Variants in ANAPC5 observed in about 807,000 individuals in gnomAD.
ANAPC5 encodes anaphase promoting complex subunit 5.
In ANAPC5, 60 loss-of-function variants were observed where a neutral mutation model predicts 91.3. That is an observed-to-expected ratio of 0.66 (90% CI 0.53 to 0.81). The LOEUF (loss-of-function observed/expected upper bound fraction) is 0.81. ANAPC5 is among the 40% of genes least tolerant of loss of function. The pLI is 0.00. For missense variants in ANAPC5, 690 were observed against 931.5 expected, an observed-to-expected ratio of 0.74 and a Z score of 3.37; for synonymous variants, 340 against 364.1, an observed-to-expected ratio of 0.93 and a Z score of 0.75.
intron 3 of ANAPC5, 200 bp downstream of exon 3, chr12:121,346,696 T>C (rs1903679549): frequency 7.2e-6 from 3 of 416,154 alleles, no homozygotes; most frequent in Non-Finnish European, 1.3e-5. Context: ...CTTACTATTG[T>C]AGACAAAACA....
At chr12:121,336,985 C>T (rs1187684199) in intron 6 of ANAPC5, among the ~76,000 whole-genome samples, 3 of 152,046 alleles carry the variant, frequency 2.0e-5, no homozygotes, top group African/African-American at 4.8e-5. Context: ...TTTGGGAGGC[C>T]GACGCGGGCA....
At chr12:121,317,064 G>T (rs566964984) in intron 15 of ANAPC5, among the ~76,000 whole-genome samples, 17 of 152,228 alleles carry the variant, frequency 1.1e-4, no homozygotes, top group African/African-American at 3.9e-4. Context: ...AAACCGGTGA[G>T]AGGTTACCAG....
chr12:121,333,046 T>G (rs1177106972), intron 7 of ANAPC5: 1 of 152,222 alleles, frequency 6.6e-6, no homozygotes, highest in Non-Finnish European at 1.5e-5. Context: ...CCGGGCGCAG[T>G]GGCTCACGCC....
At chr12:121,320,596 A>C in intron 11 of ANAPC5, 137 bp from the exon 12 acceptor site, 1 of 604,218 alleles carries the variant, frequency 1.7e-6, no homozygotes, top group Non-Finnish European at 2.8e-6. Context: ...AGAGACTCAA[A>C]TTTCTTTTCT....
At chr12:121,352,012 A>C in intron 1 of ANAPC5, 122 bp downstream of exon 1, 1 of 902,682 alleles carries the variant, frequency 1.1e-6, no homozygotes, top group East Asian at 2.8e-5. Flanking sequence ...TTATTTCTTC[A>C]CGTTCCTCCA....
intron 1 of ANAPC5, 124 bp from the exon 2 acceptor site, chr12:121,348,005 A>G (rs1160667273): frequency 1.6e-5 from 11 of 671,564 alleles, no homozygotes; most frequent in Non-Finnish European, 2.6e-5. Context: ...GCAAATAAGG[A>G]TTTTTCTATC....
chr12:121,340,079 C>T (rs1374778626), intron 5 of ANAPC5, among the ~76,000 whole-genome samples: 2 of 151,348 alleles, frequency 1.3e-5, no homozygotes, highest in African/African-American at 2.4e-5. Context: ...CACTTTGGGA[C>T]GCCGAGGTGG....
Position 121,320,413 on chromosome 12 carries a change from C to A in ANAPC5, c.1487G>T (p.Arg496Leu). The change falls in exon 12 of 17, where the codon CGA becomes CTA. Residue 496 changes from arginine (R) to leucine (L), a missense_variant. Transcript: ENST00000261819. ...GGCGTGCTGACTATTAGGCGGAAATCGTTCCTTCAAGTGCTTTAACACTTC... is the reference window on the plus strand; with the variant it reads ...GGCGTGCTGACTATTAGGCGGAAATAGTTCCTTCAAGTGCTTTAACACTTC... ...ASEVLKHLKE[R>L]FPPNSQHAQL... 2.5e-6 allele frequency: 4 copies of A among 1,613,688 alleles called. No homozygotes were observed. Among genetic ancestry groups the A allele is most frequent in the Non-Finnish European group, 3.4e-6 (4 of 1,179,700 alleles).
chr12:121,331,563 T>C, intron 7 of ANAPC5, 135 bp from the exon 8 acceptor site: 1 of 623,316 alleles, frequency 1.6e-6, no homozygotes. Flanking sequence ...TCTGGGCTTA[T>C]TCTCTCAGAG....
rs782075258 is a variant in ANAPC5, at chr12:121,352,182, G to A, written c.159C>T (p.Ser53=). The change falls in exon 1 of 17, where the codon AGC becomes AGT. Residue 53 remains serine (S), a synonymous_variant. Coordinates refer to ENST00000261819, the MANE Select transcript of ANAPC5 (RefSeq NM_016237.5). ...EMSRTGEGAV[S]LMERRRLNQL... ...GGTTGAGCCTCCGCCGCTCCATGAGGCTGACGGCGCCCTCGCCTGTGCGGC... is the reference window on the plus strand; with the variant it reads ...GGTTGAGCCTCCGCCGCTCCATGAGACTGACGGCGCCCTCGCCTGTGCGGC... 4.3e-6 allele frequency: 7 copies of A among 1,613,098 alleles called. No homozygotes were observed. The South Asian group carries it at 6.6e-5, about 15-fold the overall frequency.
At chr12:121,335,939 C>A (rs1555273424) in intron 6 of ANAPC5, among the ~76,000 whole-genome samples, 1 of 152,118 alleles carries the variant, frequency 6.6e-6, no homozygotes, top group Non-Finnish European at 1.5e-5. Context: ...ATGGGAGTTC[C>A]ATTAGTATTT....
chr12:121,344,122 A>G (rs1388631414), intron 4 of ANAPC5, among the ~76,000 whole-genome samples: 4 of 152,222 alleles, frequency 2.6e-5, no homozygotes, highest in Non-Finnish European at 5.9e-5. Flanking sequence ...AACACATTCT[A>G]TGAGTCAGGC....
At chr12:121,310,346 G>A (rs1044595855) in intron 15 of ANAPC5, 11 of 153,172 alleles carry the variant, frequency 7.2e-5, no homozygotes, top group African/African-American at 2.7e-4. Context: ...GATCACTTGA[G>A]GCCATGAGTT....
rs74786391 is a variant in ANAPC5 at position 121,310,070 on chromosome 12, G to A, written c.1894-207C>T. The stretch of plus-strand genomic sequence containing the variant: ...GACTATGACAAATATAGCAGGGGGC[G>A]GTTATTCACACTATGAAAAGGTTCT... On this transcript the variant is annotated intron_variant, in intron 15 of 16. Coordinates refer to ENST00000261819, the MANE Select transcript of ANAPC5 (RefSeq NM_016237.5). 2.2e-3 allele frequency: 890 copies of A among 397,074 alleles called. 7 individuals are homozygous for A. Among genetic ancestry groups the A allele is most frequent in the African/African-American group, 0.017 (804 of 48,722 alleles). 24.6% of individuals were successfully genotyped at this position (397,074 alleles called of 1,614,324 possible). A position where few individuals can be genotyped will look rare whatever the true frequency, so the allele number is the denominator to read the frequency against.
Position 121,351,046 on chromosome 12 carries a change from T to C in ANAPC5, c.207+1088A>G, listed in dbSNP as rs1282823249. 1.3e-5 allele frequency: 6 copies of C among 446,358 alleles called. No individual in the cohort carries two copies. The East Asian group carries it at 4.4e-4, about 33-fold the overall frequency. 27.6% of individuals were successfully genotyped at this position (446,358 alleles called of 1,614,324 possible). On this transcript the variant is annotated intron_variant, in intron 1 of 16. Coordinates refer to ENST00000261819, the MANE Select transcript of ANAPC5 (RefSeq NM_016237.5). ...ACCCAAATGAATTAAGGAACTTAAT[T>C]ATCTGAGCTAAACCTGTGTCTGCAA...
At chr12:121,327,324 G>A in intron 10 of ANAPC5, 93 bp from the exon 11 acceptor site, 2 of 1,470,394 alleles carry the variant, frequency 1.4e-6, no homozygotes, top group Non-Finnish European at 1.8e-6. Context: ...GAGGCGTAAA[G>A]TCATACACCT....
intron 13 of ANAPC5, 102 bp from the exon 14 acceptor site, chr12:121,318,710 CTG>C (rs1205879514): frequency 1.4e-5 from 15 of 1,075,542 alleles, no homozygotes; most frequent in Non-Finnish European, 2.1e-5. Context: ...AGGGAAAAAA[CTG>C]TGCCTGATTT....
chr12:121,328,792 C>G, intron 9 of ANAPC5: 1 of 271,884 alleles, frequency 3.7e-6, no homozygotes, highest in East Asian at 7.5e-5. Context: ...TAGGGCCAGT[C>G]ACTTAGCTTC....
intron 5 of ANAPC5, among the ~76,000 whole-genome samples, chr12:121,339,868 G>GT (rs71079054): frequency 0.18 from 18,551 of 104,094 alleles, 2,195 homozygotes; most frequent in African/African-American, 0.34. Context: ...TTTTCTTCCA[G>GT]TTTTTTTTTT....
Sources: allele counts gnomAD v4.1 joint callset (sites outside exome capture counted in the v4.1 genomes callset), GRCh38; gene constraint gnomAD v4.1.1; transcripts MANE v1.5; gene names NCBI Gene and HGNC (gene_info 2026-07-23, HGNC 2026-07-21).